The following KHDRBS2 variants were observed in gnomAD, a reference collection of about 807,000 sequenced individuals.
KHDRBS2 encodes KH RNA binding domain containing, signal transduction associated 2.
In KHDRBS2, 26 loss-of-function variants were observed where a neutral mutation model predicts 44.3. That is an observed-to-expected ratio of 0.59 (90% CI 0.43 to 0.81). The LOEUF is 0.81. Among genes scored for constraint, KHDRBS2 ranks in the 40% least tolerant of loss-of-function variants. The pLI, the probability that KHDRBS2 is intolerant of heterozygous loss-of-function variation, is 0.00. For missense variants in KHDRBS2, 476 were observed against 433.1 expected (o/e 1.10, Z -0.88); for synonymous variants, 194 against 151.1 (o/e 1.28, Z -2.08).
chr6:62,083,443 G>C (rs962072848), intron 2 of KHDRBS2, among the ~76,000 whole-genome samples: 1 of 152,116 alleles, frequency 6.6e-6, no homozygotes, highest in Non-Finnish European at 1.5e-5. Context: ...GCCAGAGAAG[G>C]ACCCAGGTGT....
At chr6:62,177,786 T>G (rs966195769) in intron 1 of KHDRBS2, among the ~76,000 whole-genome samples, 3 of 151,334 alleles carry the variant, frequency 2.0e-5, no homozygotes, top group African/African-American at 7.3e-5. Context: ...AAATAGGTAG[T>G]AAAGAGAAAT....
chr6:61,796,592 T>A (rs1234940037), intron 6 of KHDRBS2, among the ~76,000 whole-genome samples: 1 of 152,036 alleles, frequency 6.6e-6, no homozygotes, highest in Non-Finnish European at 1.5e-5. Flanking sequence ...AAATAAAATA[T>A]CATGTAATTG....
intron 2 of KHDRBS2, among the ~76,000 whole-genome samples, chr6:62,059,632 T>A (rs560325773): frequency 1.3e-5 from 2 of 151,608 alleles, no homozygotes; most frequent in East Asian, 2.0e-4. Context: ...AGAGAAAAAA[T>A]TGGAGTATAT....
At chr6:62,112,974 T>C (rs530077616) in intron 2 of KHDRBS2, among the ~76,000 whole-genome samples, 1 of 152,262 alleles carries the variant, frequency 6.6e-6, no homozygotes, top group East Asian at 1.9e-4. Context: ...CTCACCCACA[T>C]ACCTATATAG....
At chr6:62,163,786 T>TA (rs1286779913) in intron 2 of KHDRBS2, among the ~76,000 whole-genome samples, 1 of 151,992 alleles carries the variant, frequency 6.6e-6, no homozygotes, top group Non-Finnish European at 1.5e-5. Context: ...TTTTAAGCCT[T>TA]ACTCTCTCCT....
At chr6:61,959,403 G>T (rs972987911) in intron 4 of KHDRBS2, among the ~76,000 whole-genome samples, 6 of 152,140 alleles carry the variant, frequency 3.9e-5, no homozygotes, top group African/African-American at 1.4e-4. Flanking sequence ...ACCACACACT[G>T]CCAAGCTGCA....
intron 6 of KHDRBS2, among the ~76,000 whole-genome samples, chr6:61,747,032 GAAAAAAAAAGAA>G (rs1439071898): frequency 1.1e-5 from 1 of 93,252 alleles, no homozygotes; most frequent in Non-Finnish European, 2.3e-5. Context: ...AAATGTAAAA[GAAAAAAAAAGAA>G]AAAAAAAAAC....
chr6:62,259,481 T>C (rs189442809), intron 1 of KHDRBS2, among the ~76,000 whole-genome samples: 2 of 152,130 alleles, frequency 1.3e-5, no homozygotes, highest in Non-Finnish European at 2.9e-5. Context: ...AATTTCATTA[T>C]TCATTACTTC....
At chr6:62,278,754 G>A (rs1585588766) in intron 1 of KHDRBS2, among the ~76,000 whole-genome samples, 2 of 152,244 alleles carry the variant, frequency 1.3e-5, no homozygotes, top group South Asian at 2.1e-4. Flanking sequence ...TTTGTGCCGC[G>A]TATGTGCCAG....
intron 2 of KHDRBS2, among the ~76,000 whole-genome samples, chr6:62,134,475 G>A (rs758782398): frequency 2.0e-5 from 3 of 152,162 alleles, no homozygotes; most frequent in African/African-American, 7.2e-5. Flanking sequence ...TTAGGGCATT[G>A]TGGAAGAGAA....
chr6:61,995,337 A>T (rs998936250), intron 3 of KHDRBS2, among the ~76,000 whole-genome samples: 3 of 152,180 alleles, frequency 2.0e-5, no homozygotes, highest in Admixed American at 2.0e-4. Flanking sequence ...CCTAGAAGTG[A>T]CTATTTTTGC....
At chr6:62,216,948 AG>A (rs1453542715) in intron 1 of KHDRBS2, among the ~76,000 whole-genome samples, 5 of 151,044 alleles carry the variant, frequency 3.3e-5, no homozygotes, top group African/African-American at 9.7e-5. Flanking sequence ...GTTTGGTATC[AG>A]AAAGATGTGA....
chr6:61,615,908 A>G, the KHDRBS2 span, among the ~76,000 whole-genome samples: 2 of 152,220 alleles, frequency 1.3e-5, no homozygotes, highest in Admixed American at 6.5e-5. Flanking sequence ...TAGCTTAGGC[A>G]TTTGTAGTAT....
Position 61,691,582 on chromosome 6 carries a change from A to G in KHDRBS2, c.952+5613T>C, listed in dbSNP as rs562155877. On this transcript the variant is annotated intron_variant, in intron 8 of 8. Transcript: ENST00000281156. ...CAGAAAAAATAAATTATTTGCATAT[A>G]TTATTTTTAAATGACTGATAAATTA... Among the ~76,000 whole-genome samples the G allele has an allele frequency of 1.6e-3, 238 of 152,198 alleles. 1 individual carries two copies. The highest frequency in any genetic ancestry group is 5.3e-3 in the African/African-American group (222 of 41,562).
chr6:61,647,674 C>A, the KHDRBS2 span, among the ~76,000 whole-genome samples: 1 of 152,234 alleles, frequency 6.6e-6, no homozygotes, highest in East Asian at 1.9e-4. Flanking sequence ...ACATGTATTG[C>A]AACCAACTTT....
At chr6:61,707,536 A>T (rs535943547) in intron 7 of KHDRBS2, among the ~76,000 whole-genome samples, 136 of 151,992 alleles carry the variant, frequency 8.9e-4, no homozygotes, top group Non-Finnish European at 9.9e-4. Flanking sequence ...CTAAAAGCCA[A>T]TTATTTTAGT....
chr6:61,768,577 T>C (rs539669210), intron 6 of KHDRBS2, among the ~76,000 whole-genome samples: 1 of 152,234 alleles, frequency 6.6e-6, no homozygotes, highest in African/African-American at 2.4e-5. Context: ...CCTGATTGTG[T>C]ATTTTAAAAT....
intron 1 of KHDRBS2, among the ~76,000 whole-genome samples, chr6:62,279,520 T>C (rs1176843532): frequency 2.6e-5 from 4 of 152,158 alleles, no homozygotes; most frequent in African/African-American, 7.2e-5. Flanking sequence ...ACAGAAGTCA[T>C]AGTATGGCCC....
At chr6:61,961,634 G>T (rs1474233345) in intron 4 of KHDRBS2, among the ~76,000 whole-genome samples, 1 of 152,040 alleles carries the variant, frequency 6.6e-6, no homozygotes, top group Non-Finnish European at 1.5e-5. Context: ...CTTGTGGGGA[G>T]GCTTTCACAC....
Sources: gnomAD v4.1 joint callset for allele counts (sites outside exome capture counted in the v4.1 genomes callset) on GRCh38, gnomAD v4.1.1 for gene constraint, MANE v1.5 for transcripts, NCBI Gene and HGNC (gene_info 2026-07-23, HGNC 2026-07-21) for gene names.